Variants in DCAF5 observed in about 807,000 individuals in gnomAD.
DCAF5 encodes DDB1- and CUL4-associated factor 5.
In DCAF5, 9 loss-of-function variants were observed where a neutral mutation model predicts 80.7. That is an observed-to-expected ratio of 0.11 (90% CI 0.07 to 0.19). The LOEUF is 0.19. Among genes scored for constraint, DCAF5 ranks in the 10% least tolerant of loss-of-function variants. The pLI is 1.00. For missense variants in DCAF5, 842 were observed against 1,205.7 expected (o/e 0.70, Z 4.47); for synonymous variants, 433 against 461.9 (o/e 0.94, Z 0.80).
intron 6 of DCAF5, among the ~76,000 whole-genome samples, chr14:69,089,006 A>G (rs533837618): frequency 1.3e-5 from 2 of 152,100 alleles, no homozygotes; most frequent in South Asian, 2.1e-4. Flanking sequence ...AAAAAAAACT[A>G]TAAGTTCAGT....
intron 5 of DCAF5, among the ~76,000 whole-genome samples, chr14:69,097,963 A>C (rs1253451697): frequency 6.6e-6 from 1 of 152,106 alleles, no homozygotes; most frequent in African/African-American, 2.4e-5. Context: ...GTTTATCCTT[A>C]ACAAAGCAGC....
chr14:69,088,931 CT>C (rs1032640483), intron 6 of DCAF5, among the ~76,000 whole-genome samples: 1 of 152,128 alleles, frequency 6.6e-6, no homozygotes, highest in African/African-American at 2.4e-5. Context: ...AAGTCAGAGC[CT>C]ATAAATCACC....
chr14:69,099,057 C>T (rs1027567137), intron 5 of DCAF5, among the ~76,000 whole-genome samples: 3 of 151,910 alleles, frequency 2.0e-5, no homozygotes, highest in African/African-American at 7.3e-5. Context: ...TCGAGACCAT[C>T]CTGGCCAACA....
chr14:69,106,181 C>T (rs994774445), intron 5 of DCAF5, among the ~76,000 whole-genome samples: 8 of 150,954 alleles, frequency 5.3e-5, no homozygotes, highest in East Asian at 4.0e-4. Flanking sequence ...CTCAGCCCCC[C>T]GAGTAGCTGG....
At chr14:69,065,964 G>C (rs1181413293) in intron 7 of DCAF5, among the ~76,000 whole-genome samples, 1 of 152,136 alleles carries the variant, frequency 6.6e-6, no homozygotes, top group Non-Finnish European at 1.5e-5. Context: ...CCTGGTTGCT[G>C]AACTAAGTCC....
intron 5 of DCAF5, among the ~76,000 whole-genome samples, chr14:69,099,376 G>C (rs10139873): frequency 1.3e-5 from 2 of 150,850 alleles, no homozygotes; most frequent in African/African-American, 4.9e-5. Context: ...ACCTGATCTC[G>C]AGGGGCAAGC....
intron 6 of DCAF5, chr14:69,091,094 C>T (rs1273833262): frequency 2.6e-6 from 2 of 757,494 alleles, no homozygotes; most frequent in Non-Finnish European, 4.8e-6. Flanking sequence ...CATCTCCATT[C>T]CTGGTGAGAC....
intron 5 of DCAF5, among the ~76,000 whole-genome samples, chr14:69,113,559 G>A (rs1459599621): frequency 1.3e-5 from 2 of 152,132 alleles, no homozygotes; most frequent in Admixed American, 6.6e-5. Context: ...AAGTTCTATC[G>A]TGTTCCAGGC....
intron 1 of DCAF5, among the ~76,000 whole-genome samples, chr14:69,148,669 TG>T (rs1395371090): frequency 2.6e-5 from 4 of 152,138 alleles, no homozygotes; most frequent in Non-Finnish European, 5.9e-5. Flanking sequence ...CACTCCAGCC[TG>T]GGCGACAGAG....
At chr14:69,087,936 T>C (rs1015780551) in intron 6 of DCAF5, among the ~76,000 whole-genome samples, 5 of 152,308 alleles carry the variant, frequency 3.3e-5, no homozygotes, top group African/African-American at 4.8e-5. Context: ...CAGAGCAGAA[T>C]AGGTATGGTG....
chr14:69,128,876 G>A (rs1420391151), intron 1 of DCAF5, among the ~76,000 whole-genome samples: 1 of 152,038 alleles, frequency 6.6e-6, no homozygotes, highest in Non-Finnish European at 1.5e-5. Context: ...CCAGTACTTT[G>A]AAAGGTCGAG....
intron 6 of DCAF5, among the ~76,000 whole-genome samples, chr14:69,077,004 A>C (rs2139907575): frequency 6.6e-6 from 1 of 152,246 alleles, no homozygotes; most frequent in South Asian, 2.1e-4. Context: ...CTCAAAAAGG[A>C]CACTGTGCCA....
At chr14:69,104,430 A>T (rs1319400870) in intron 5 of DCAF5, among the ~76,000 whole-genome samples, 1 of 152,188 alleles carries the variant, frequency 6.6e-6, no homozygotes, top group Non-Finnish European at 1.5e-5. Flanking sequence ...TCTAATACCA[A>T]TTCATGGGAA....
rs2037854260 is a variant in DCAF5 at position 69,054,086 on chromosome 14, G to A, written c.2600C>T (p.Thr867Ile). ...VAYSSPGHSD[T>I]DRDNSSLTGT... is the part of the protein sequence containing the mutation. ...TGTCAGGGACGAGTTATCACGGTCA[G>A]TGTCTGAGTGTCCTGGGGAAGAGTA... is the stretch of plus-strand genomic sequence containing the variant. Residue 867 changes from threonine to isoleucine, a missense_variant, in exon 9 of 9, where the codon ACT becomes ATT. Around this residue, in one of 5 missense-constraint regions of DCAF5, gnomAD observed 607 missense variants for 656.6 expected, o/e 0.92. Transcript: ENST00000341516. The A allele has an allele frequency of 3.1e-6, 5 of 1,614,248 alleles. No homozygotes were observed. Among genetic ancestry groups the A allele is most frequent in the Non-Finnish European group, 3.4e-6 (4 of 1,180,044 alleles).
intron 1 of DCAF5, among the ~76,000 whole-genome samples, chr14:69,142,778 T>C (rs1301291385): frequency 6.6e-6 from 1 of 152,216 alleles, no homozygotes; most frequent in Non-Finnish European, 1.5e-5. Flanking sequence ...AGACACCTAT[T>C]TGTTGACTGA....
chr14:69,090,735 A>G (rs2039502547), intron 6 of DCAF5: 1 of 172,722 alleles, frequency 5.8e-6, no homozygotes, highest in Non-Finnish European at 1.2e-5. Flanking sequence ...TATGCCAAAA[A>G]TAACTCTAAA....
At chr14:69,132,450 T>C (rs2041069986) in intron 1 of DCAF5, among the ~76,000 whole-genome samples, 1 of 152,206 alleles carries the variant, frequency 6.6e-6, no homozygotes, top group African/African-American at 2.4e-5. Context: ...GTTTGAGTTA[T>C]CTTTCTTCAT....
At chr14:69,141,530 T>C (rs1425951045) in intron 1 of DCAF5, among the ~76,000 whole-genome samples, 1 of 152,076 alleles carries the variant, frequency 6.6e-6, no homozygotes, top group Non-Finnish European at 1.5e-5. Flanking sequence ...CAGGCCCCAG[T>C]GTGTGATGTT....
At position 69,118,298 on chromosome 14, in the gene DCAF5, G is replaced by A; in HGVS notation, c.396-20C>T. 1 of 1,612,968 alleles carries A rather than the reference G, an allele frequency of 6.2e-7. No homozygotes were observed. The highest frequency in any genetic ancestry group is 8.5e-7 in the Non-Finnish European group (1 of 1,179,328). On this transcript the variant is annotated intron_variant, in intron 3 of 8. Transcript: ENST00000341516. The surrounding 1 kb of genome is among the most constrained non-coding windows in gnomAD (Gnocchi z 4.0). ...TCACTGCTGGGAGATAAGAGAGCAAGACAGAGGCACACACATACACACAAG... is the reference window on the plus strand; with the variant it reads ...TCACTGCTGGGAGATAAGAGAGCAAAACAGAGGCACACACATACACACAAG...
Sources: allele counts gnomAD v4.1 joint callset (sites outside exome capture counted in the v4.1 genomes callset), GRCh38; gene constraint gnomAD v4.1.1; regional missense constraint gnomAD v4.1.1; non-coding constraint Gnocchi (gnomAD v3.1); transcripts MANE v1.5; gene names NCBI Gene and HGNC (gene_info 2026-07-23, HGNC 2026-07-21).